Variants in GFRA1 observed in about 807,000 individuals in gnomAD.
GFRA1 encodes the protein GDNF family receptor alpha-1.
In GFRA1, 16 loss-of-function variants were observed where a neutral mutation model predicts 51.6. The ratio of observed to expected loss-of-function variants is 0.31; its 90% confidence interval spans 0.21 to 0.47. GFRA1 has a LOEUF of 0.47. Among genes scored for constraint, GFRA1 ranks in the 20% least tolerant of loss-of-function variants. GFRA1 has a pLI of 1.00. For synonymous variants in GFRA1, 270 were observed against 241.3 expected, an observed-to-expected ratio of 1.12 and a Z score of -1.10; for missense variants, 530 against 594.3, an observed-to-expected ratio of 0.89 and a Z score of 1.13.
intron 5 of GFRA1, among the ~76,000 whole-genome samples, chr10:116,203,086 G>T (rs989849599): frequency 6.6e-6 from 1 of 152,126 alleles, no homozygotes; most frequent in Non-Finnish European, 1.5e-5. Flanking sequence ...GCTCGAGGAG[G>T]TCTGGCCCAG....
intron 4 of GFRA1, among the ~76,000 whole-genome samples, chr10:116,225,520 C>G (rs1438984596): frequency 1.0e-5 from 1 of 95,698 alleles, no homozygotes; most frequent in African/African-American, 4.4e-5. Context: ...GGCGACAGAG[C>G]AAGAGTCTGT....
Position 116,125,488 on chromosome 10 carries a change from T to A in GFRA1, c.503A>T (p.Lys168Met), listed in dbSNP as rs200764561. Residue 168 changes from lysine (K) to methionine (M), a missense_variant, in exon 6 of 11, where the codon AAG becomes ATG. Lys to Met is a moderately conservative substitution (Grantham distance 95). Coordinates refer to ENST00000355422, the MANE Select transcript of GFRA1 (RefSeq NM_005264.8). ...GGTGATGTACGCCGACCTGTACTTC[T>A]TGCAAATGTCGTCGAGGTTGCAGGC... is the stretch of plus-strand genomic sequence containing the variant. ...AKACNLDDIC[K>M]KYRSAYITPC... 1.2e-5 allele frequency: 19 copies of A among 1,614,080 alleles called. No homozygotes were observed. Among genetic ancestry groups the A allele is most frequent in the Non-Finnish European group, 1.6e-5 (19 of 1,180,036 alleles).
chr10:116,219,012 TAAAA>T (rs913477050), intron 4 of GFRA1, among the ~76,000 whole-genome samples: 1 of 145,608 alleles, frequency 6.9e-6, no homozygotes, highest in East Asian at 2.0e-4. Context: ...AAGAAAAAAA[TAAAA>T]AAAAAAGCCT....
chr10:116,144,601 G>A (rs1324127550), intron 5 of GFRA1, among the ~76,000 whole-genome samples: 1 of 151,990 alleles, frequency 6.6e-6, no homozygotes, highest in Non-Finnish European at 1.5e-5. Flanking sequence ...AGCTGGCAAA[G>A]AATGAACTAC....
Position 116,089,762 on chromosome 10 carries a change from C to T in GFRA1, c.1176G>A (p.Leu392=). 1.2e-6 allele frequency: 2 copies of T among 1,614,068 alleles called. No homozygotes were observed. The highest frequency in any genetic ancestry group is 1.7e-6 in the Non-Finnish European group (2 of 1,179,978). Residue 392 remains leucine, a synonymous_variant, in exon 9 of 11, where the codon TTG becomes TTA. Transcript: ENST00000355422. ...GSENEIPTHV[L]PPCANLQAQK... is the part of the protein sequence containing the mutation. ...TCACCTGTAAATTTGCACACGGTGG[C>T]AAAACATGAGTGGGAATTTCATTCT...
chr10:116,096,545 G>C, intron 7 of GFRA1, 110 bp downstream of exon 7: 2 of 716,456 alleles, frequency 2.8e-6, no homozygotes, highest in South Asian at 1.5e-5. Flanking sequence ...CCCCAGCCCA[G>C]AGGTTACTGT....
In GFRA1 at chr10:116,267,940, A is replaced by AACACAC. The variant is rs58079628; in HGVS notation, c.418+1557_418+1562dup. On this transcript the variant is annotated intron_variant, in intron 4 of 10. Coordinates refer to ENST00000355422, the MANE Select transcript of GFRA1 (RefSeq NM_005264.8). ...TTATGCCAAAACAGACTGACAGACT[A>AACACAC]ACACACACACACACACACACACACA... Among the ~76,000 whole-genome samples the AACACAC allele has an allele frequency of 6.9e-3, 1,013 of 146,474 alleles. 6 individuals are homozygous for AACACAC. The highest frequency in any genetic ancestry group is 0.021 in the African/African-American group (809 of 39,406).
At position 116,193,413 on chromosome 10, in the gene GFRA1, G is replaced by A. The variant is rs1963444372; in HGVS notation, c.433+18218C>T. Among the ~76,000 whole-genome samples the A allele has an allele frequency of 2.0e-5, 3 of 152,092 alleles. No homozygotes were observed. In the South Asian group the frequency reaches 6.2e-4, roughly 32 times the overall value. ...GGGAAATAAAACCAAACACACTTTG[G>A]GGAGATGAGGTGAACAAAACCACAC... On this transcript the variant is annotated intron_variant, in intron 5 of 10. Transcript: ENST00000355422.
intron 5 of GFRA1, among the ~76,000 whole-genome samples, chr10:116,203,810 C>T (rs1481389177): frequency 6.6e-6 from 1 of 152,224 alleles, no homozygotes; most frequent in African/African-American, 2.4e-5. Context: ...GGTTTAAGCA[C>T]TCAACAGCTG....
chr10:116,141,812 G>C (rs188859942), intron 5 of GFRA1, among the ~76,000 whole-genome samples: 5 of 152,108 alleles, frequency 3.3e-5, no homozygotes, highest in Admixed American at 2.0e-4. Context: ...TCAAACTCCT[G>C]ACCTCAGGGG....
intron 5 of GFRA1, among the ~76,000 whole-genome samples, chr10:116,161,285 C>T (rs561068665): frequency 1.9e-4 from 29 of 152,130 alleles, no homozygotes; most frequent in Non-Finnish European, 3.2e-4. Context: ...TGCTTCTGCC[C>T]CAACACACAG....
intron 5 of GFRA1, among the ~76,000 whole-genome samples, chr10:116,179,788 G>A (rs1166390341): frequency 6.6e-6 from 1 of 152,150 alleles, no homozygotes; most frequent in Non-Finnish European, 1.5e-5. Flanking sequence ...TCCCATTCTT[G>A]AAGGTTCTGA....
intron 5 of GFRA1, among the ~76,000 whole-genome samples, chr10:116,138,400 C>T (rs1958421333): frequency 6.6e-6 from 1 of 152,080 alleles, no homozygotes; most frequent in South Asian, 2.1e-4. Flanking sequence ...TGCACTCTTC[C>T]TTATTTTCCT....
chr10:116,127,253 A>G (rs2134032287), intron 5 of GFRA1, among the ~76,000 whole-genome samples: 1 of 152,370 alleles, frequency 6.6e-6, no homozygotes, highest in Admixed American at 6.5e-5. Flanking sequence ...GGTAGATTGC[A>G]TGCAAAATGT....
chr10:116,078,335 C>A (rs1267773051), intron 9 of GFRA1, among the ~76,000 whole-genome samples: 1 of 152,174 alleles, frequency 6.6e-6, no homozygotes, highest in African/African-American at 2.4e-5. Flanking sequence ...CCAAGGCTGA[C>A]GTGGGTGGAT....
Position 116,116,149 on chromosome 10 carries a change from C to T in GFRA1, c.770+9072G>A, listed in dbSNP as rs143979384. Reference sequence around the variant, plus strand: ...CACGCTTGTTGCCCAGGCTGGAGGGCAATGGTGCGATCTCCACTCACTGCA... The same window carrying T: ...CACGCTTGTTGCCCAGGCTGGAGGGTAATGGTGCGATCTCCACTCACTGCA... On this transcript the variant is annotated intron_variant, in intron 6 of 10. Coordinates refer to ENST00000355422, the MANE Select transcript of GFRA1 (RefSeq NM_005264.8). 1.3e-3 allele frequency among the ~76,000 whole-genome samples: 203 copies of T among 152,224 alleles called. 1 individual carries two copies. Among genetic ancestry groups the T allele is most frequent in the African/African-American group, 4.8e-3 (200 of 41,534 alleles).
chr10:116,073,500 G>T, intron 9 of GFRA1, among the ~76,000 whole-genome samples: 1 of 152,196 alleles, frequency 6.6e-6, no homozygotes, highest in South Asian at 2.1e-4. Context: ...TTAACAATAA[G>T]ATAATGACAA....
At chr10:116,157,373 C>T (rs1431941606) in intron 5 of GFRA1, among the ~76,000 whole-genome samples, 1 of 152,186 alleles carries the variant, frequency 6.6e-6, no homozygotes, top group Non-Finnish European at 1.5e-5. Flanking sequence ...CTGCTGATCG[C>T]ACCCTGTGGA....
At chr10:116,073,841 G>C (rs1955508113) in intron 9 of GFRA1, among the ~76,000 whole-genome samples, 1 of 152,110 alleles carries the variant, frequency 6.6e-6, no homozygotes, top group Admixed American at 6.6e-5. Context: ...ACTTATGGTG[G>C]TAACTAAGGT....
Sources: allele counts gnomAD v4.1 joint callset (sites outside exome capture counted in the v4.1 genomes callset), GRCh38; gene constraint gnomAD v4.1.1; transcripts MANE v1.5; gene names NCBI Gene and HGNC (gene_info 2026-07-23, HGNC 2026-07-21).